The following NRG1 variants were observed in gnomAD, a reference collection of about 807,000 sequenced individuals.
NRG1 encodes the protein pro-neuregulin-1, membrane-bound isoform.
Under a neutral mutation model 63.8 loss-of-function variants are expected in NRG1, and 18 were observed. The observed-to-expected ratio is 0.28, with a 90% CI of 0.19 to 0.42. The LOEUF is 0.42. NRG1 is among the 10% of genes least tolerant of loss of function. The pLI is 1.00. For missense variants in NRG1, 762 were observed against 814.7 expected, an observed-to-expected ratio of 0.94 and a Z score of 0.79; for synonymous variants, 302 against 301.3, an observed-to-expected ratio of 1.00 and a Z score of -0.02.
At chr8:32,735,108 A>G (rs1161728381) in intron 6 of NRG1, among the ~76,000 whole-genome samples, 2 of 152,146 alleles carry the variant, frequency 1.3e-5, no homozygotes, top group African/African-American at 4.8e-5. Flanking sequence ...AAAGAATAAA[A>G]AAAGAGTATG....
At chr8:32,303,106 C>T (rs113367770) in intron 1 of NRG1, among the ~76,000 whole-genome samples, 68 of 144,750 alleles carry the variant, frequency 4.7e-4, no homozygotes, top group African/African-American at 1.6e-3. Flanking sequence ...CACTTGAACC[C>T]GGGAGGCAGA....
chr8:32,451,960 G>A (rs1290122715), intron 1 of NRG1, among the ~76,000 whole-genome samples: 1 of 152,026 alleles, frequency 6.6e-6, no homozygotes, highest in African/African-American at 2.4e-5. Context: ...CAAGTAGCAG[G>A]GATCACAGGC....
chr8:32,497,607 G>C (rs1248727461), intron 1 of NRG1, among the ~76,000 whole-genome samples: 1 of 152,076 alleles, frequency 6.6e-6, no homozygotes, highest in Non-Finnish European at 1.5e-5. Flanking sequence ...GGCAATTTTT[G>C]GTACTAAACA....
intron 1 of NRG1, among the ~76,000 whole-genome samples, chr8:32,416,826 C>A (rs1443971345): frequency 6.6e-6 from 1 of 151,946 alleles, no homozygotes; most frequent in Non-Finnish European, 1.5e-5. Context: ...TCGTTGGGAC[C>A]ACAGGTGCAC....
chr8:32,604,414 T>G (rs1844906246), intron 2 of NRG1, among the ~76,000 whole-genome samples: 1 of 152,110 alleles, frequency 6.6e-6, no homozygotes, highest in South Asian at 2.1e-4. Context: ...GACCAGAAAA[T>G]TCACCAGAAA....
At chr8:31,921,724 T>G (rs1278020374) in intron 1 of NRG1, among the ~76,000 whole-genome samples, 2 of 152,188 alleles carry the variant, frequency 1.3e-5, no homozygotes, top group African/African-American at 4.8e-5. Context: ...TTGGCATCAT[T>G]AACAGCTGCT....
intron 1 of NRG1, among the ~76,000 whole-genome samples, chr8:32,032,961 G>A (rs1199590148): frequency 3.3e-5 from 5 of 152,154 alleles, no homozygotes; most frequent in South Asian, 4.1e-4. Flanking sequence ...GTAAGGAAGG[G>A]GTACAGTTTC....
intron 1 of NRG1, among the ~76,000 whole-genome samples, chr8:32,241,624 C>A (rs1848104143): frequency 6.6e-6 from 1 of 152,114 alleles, no homozygotes; most frequent in African/African-American, 2.4e-5. Flanking sequence ...AATGAATTAA[C>A]AAATTAAATC....
intron 1 of NRG1, among the ~76,000 whole-genome samples, chr8:31,818,689 T>C (rs1269756230): frequency 1.3e-5 from 2 of 152,174 alleles, no homozygotes; most frequent in Non-Finnish European, 2.9e-5. Flanking sequence ...TCCTGCTGTG[T>C]GGCCCGGTCC....
At chr8:32,121,565 G>A (rs1438313102) in intron 1 of NRG1, among the ~76,000 whole-genome samples, 3 of 151,936 alleles carry the variant, frequency 2.0e-5, no homozygotes, top group Admixed American at 2.0e-4. Context: ...AGACTACTGA[G>A]CCATTTTCTT....
intron 1 of NRG1, among the ~76,000 whole-genome samples, chr8:31,907,663 T>C (rs555785684): frequency 6.6e-6 from 1 of 152,308 alleles, no homozygotes; most frequent in East Asian, 1.9e-4. Flanking sequence ...TTGATGCTTG[T>C]GTTTTGAGGA....
intron 1 of NRG1, among the ~76,000 whole-genome samples, chr8:32,529,990 C>T (rs1831275311): frequency 6.6e-6 from 1 of 152,186 alleles, no homozygotes. Context: ...CGGACTAGCC[C>T]TTTATACCAC....
At chr8:31,710,178 T>A (rs1198127631) in intron 1 of NRG1, among the ~76,000 whole-genome samples, 1 of 151,760 alleles carries the variant, frequency 6.6e-6, no homozygotes, top group East Asian at 1.9e-4. Context: ...TTGGAGGGGG[T>A]TTTAAAATTA....
intron 1 of NRG1, among the ~76,000 whole-genome samples, chr8:31,644,289 A>G (rs1295187294): frequency 1.3e-5 from 2 of 152,210 alleles, no homozygotes; most frequent in African/African-American, 4.8e-5. Context: ...TCAAAAATCT[A>G]TACCGGATTT....
At chr8:32,409,582 A>C (rs1397467409) in intron 1 of NRG1, among the ~76,000 whole-genome samples, 1 of 152,236 alleles carries the variant, frequency 6.6e-6, no homozygotes, top group African/African-American at 2.4e-5. Context: ...GACATGAGCC[A>C]ACACCCAGGA....
chr8:32,115,473 A>G (rs1469814940), intron 1 of NRG1, among the ~76,000 whole-genome samples: 1 of 152,104 alleles, frequency 6.6e-6, no homozygotes, highest in African/African-American at 2.4e-5. Flanking sequence ...GAGAAAATAT[A>G]TTTACTATTC....
chr8:31,728,979 C>A (rs1229551766), intron 1 of NRG1, among the ~76,000 whole-genome samples: 1 of 152,112 alleles, frequency 6.6e-6, no homozygotes, highest in East Asian at 1.9e-4. Flanking sequence ...TTAGAAGAGA[C>A]TCTAAGGGTC....
chr8:32,060,408 C>CTGG (rs1823649974), intron 1 of NRG1, among the ~76,000 whole-genome samples: 1 of 151,884 alleles, frequency 6.6e-6, no homozygotes, highest in Non-Finnish European at 1.5e-5. Flanking sequence ...ATCAATGAGC[C>CTGG]TCCACCATAA....
chr8:31,860,815 G>C (rs1266727101), intron 1 of NRG1, among the ~76,000 whole-genome samples: 1 of 152,146 alleles, frequency 6.6e-6, no homozygotes, highest in African/African-American at 2.4e-5. Flanking sequence ...TATTTTAATA[G>C]TTACTTCCTG....
Sources: gnomAD v4.1 joint callset for allele counts (sites outside exome capture counted in the v4.1 genomes callset) on GRCh38, gnomAD v4.1.1 for gene constraint, MANE v1.5 for transcripts, NCBI Gene and HGNC (gene_info 2026-07-23, HGNC 2026-07-21) for gene names.